The following CRPPA variants were observed in gnomAD, a reference collection of about 807,000 sequenced individuals.
CRPPA encodes the protein D-ribitol-5-phosphate cytidylyltransferase.
CRPPA carries 43 observed loss-of-function variants against 52.0 expected under a neutral mutation model. The ratio of observed to expected loss-of-function variants is 0.83; its 90% CI spans 0.65 to 1.07. The LOEUF (loss-of-function observed/expected upper bound fraction) is 1.07, where lower values mean the gene tolerates loss of function less well. Ranked by LOEUF, CRPPA falls within the 50% of genes least tolerant of loss-of-function variation. The probability of loss-of-function intolerance (pLI) is 0.00; values close to 1 mark genes in which losing one functional copy is unlikely to be tolerated. For synonymous variants in CRPPA, 250 were observed against 203.5 expected, an observed-to-expected ratio of 1.23 and a Z score of -1.94; for missense variants, 629 against 551.7, an observed-to-expected ratio of 1.14 and a Z score of -1.40.
chr7:16,092,810 C>T (rs560592453), intron 9 of CRPPA, among the ~76,000 whole-genome samples: 1 of 152,256 alleles, frequency 6.6e-6, no homozygotes, highest in Admixed American at 6.5e-5. Flanking sequence ...TGTCTCTTAT[C>T]CTCTCGGCCT....
intron 2 of CRPPA, among the ~76,000 whole-genome samples, chr7:16,385,118 A>T (rs1787222975): frequency 1.3e-5 from 2 of 152,170 alleles, no homozygotes; most frequent in African/African-American, 4.8e-5. Flanking sequence ...AATACAATCC[A>T]AACAAATGAG....
intron 9 of CRPPA, among the ~76,000 whole-genome samples, chr7:16,099,685 A>G (rs1782005083): frequency 6.6e-6 from 1 of 152,204 alleles, no homozygotes; most frequent in South Asian, 2.1e-4. Context: ...GGCATCAGAC[A>G]TCTGGCCTGA....
chr7:16,375,299 G>A (rs530748701), intron 3 of CRPPA, among the ~76,000 whole-genome samples: 8 of 152,076 alleles, frequency 5.3e-5, no homozygotes, highest in Non-Finnish European at 1.0e-4. Context: ...TAAAGCACTA[G>A]ATTAGTTGCT....
chr7:16,190,047 G>C (rs1388024980), intron 9 of CRPPA, among the ~76,000 whole-genome samples: 4 of 152,020 alleles, frequency 2.6e-5, no homozygotes, highest in African/African-American at 9.7e-5. Context: ...TAACTCTTTG[G>C]TTCACCATAG....
intron 2 of CRPPA, among the ~76,000 whole-genome samples, chr7:16,392,213 T>A: frequency 6.6e-6 from 1 of 152,128 alleles, no homozygotes; most frequent in African/African-American, 2.4e-5. Context: ...AAGCTTCCAA[T>A]CCAACAATTC....
rs1781860810 is a variant in CRPPA at position 16,092,711 on chromosome 7, T to TC, written c.1252-913dup. On this transcript the variant is annotated intron_variant, in intron 9 of 9. Transcript: ENST00000407010. ...CAAAATACTTATTTTAAAATATAGA[T>TC]CTGATCACATCAGTATCCTGACTAA... Among the ~76,000 whole-genome samples the TC allele has an allele frequency of 2.0e-5, 3 of 152,218 alleles. No individual in the cohort carries two copies. In the South Asian group the frequency reaches 6.2e-4, roughly 31 times the overall value.
chr7:16,382,234 T>G (rs1787114137), intron 2 of CRPPA, among the ~76,000 whole-genome samples: 1 of 152,184 alleles, frequency 6.6e-6, no homozygotes, highest in African/African-American at 2.4e-5. Flanking sequence ...ACTATTTTAT[T>G]TCTCCTTCAC....
intron 1 of CRPPA, among the ~76,000 whole-genome samples, chr7:16,419,540 C>G (rs1238637667): frequency 6.6e-6 from 1 of 152,192 alleles, no homozygotes; most frequent in Non-Finnish European, 1.5e-5. Flanking sequence ...GTCATGCATC[C>G]TCTGGCTGCA....
At chr7:16,303,791 T>C (rs542397540) in intron 4 of CRPPA, among the ~76,000 whole-genome samples, 1 of 152,316 alleles carries the variant, frequency 6.6e-6, no homozygotes, top group Non-Finnish European at 1.5e-5. Flanking sequence ...AAATAGAGAC[T>C]ACTTTGTTTC....
intron 3 of CRPPA, among the ~76,000 whole-genome samples, chr7:16,342,814 G>GAT (rs1210471613): frequency 2.0e-4 from 14 of 69,464 alleles, no homozygotes; most frequent in South Asian, 6.9e-4. Context: ...TAGATATATA[G>GAT]ATATACATAT....
chr7:16,300,755 T>C (rs1784775946), intron 5 of CRPPA, among the ~76,000 whole-genome samples: 2 of 152,182 alleles, frequency 1.3e-5, no homozygotes, highest in African/African-American at 4.8e-5. Context: ...CTGACTTAAA[T>C]AACAGGCTAC....
At chr7:16,311,922 T>C (rs1472807821) in intron 3 of CRPPA, among the ~76,000 whole-genome samples, 5 of 152,206 alleles carry the variant, frequency 3.3e-5, no homozygotes, top group Middle Eastern at 3.4e-3. Context: ...CAAAGACCAA[T>C]TGATTACATT....
intron 8 of CRPPA, among the ~76,000 whole-genome samples, chr7:16,241,946 C>CTTTTTTTTTTTTTTTTTT (rs71549979): frequency 1.8e-5 from 1 of 55,378 alleles, no homozygotes; most frequent in Non-Finnish European, 3.6e-5. Flanking sequence ...AAAATCTATT[C>CTTTTTTTTTTTTTTTTTT]TTTTTTTTTT....
chr7:16,170,135 T>C (rs1057275476), intron 9 of CRPPA, among the ~76,000 whole-genome samples: 13 of 152,158 alleles, frequency 8.5e-5, no homozygotes, highest in Non-Finnish European at 1.8e-4. Flanking sequence ...AAGTAGGATG[T>C]GATTTTTTTT....
Position 16,289,014 on chromosome 7 carries a change from C to T in CRPPA, c.836-10788G>A, listed in dbSNP as rs549946390. On this transcript the variant is annotated intron_variant, in intron 5 of 9. Coordinates refer to ENST00000407010, the MANE Select transcript of CRPPA (RefSeq NM_001101426.4). ...GCCACCAAATAAAGTGAGAAACAAA[C>T]AAGGAGACATTATAACTGATACTAC... Among the ~76,000 whole-genome samples, 10 of 151,308 alleles carry T rather than the reference C, an allele frequency of 6.6e-5. No homozygotes were observed. The East Asian group carries it at 1.9e-3, about 29-fold the overall frequency.
chr7:16,182,648 A>T (rs180801733), intron 9 of CRPPA, among the ~76,000 whole-genome samples: 121 of 152,270 alleles, frequency 7.9e-4, no homozygotes, highest in African/African-American at 2.8e-3. Flanking sequence ...CTGGAGCCCA[A>T]ATAACTGTAT....
At chr7:16,092,805 CTT>C (rs762052475) in intron 9 of CRPPA, among the ~76,000 whole-genome samples, 36 of 152,300 alleles carry the variant, frequency 2.4e-4, no homozygotes, top group African/African-American at 8.4e-4. Context: ...TAAAATGTCT[CTT>C]ATCCTCTCGG....
chr7:16,415,421 C>G (rs1272962448), intron 1 of CRPPA, among the ~76,000 whole-genome samples: 5 of 152,174 alleles, frequency 3.3e-5, no homozygotes, highest in African/African-American at 1.2e-4. Flanking sequence ...GTACCGAACT[C>G]AAGTCATTAG....
chr7:16,103,512 C>T (rs1246052682), intron 9 of CRPPA, among the ~76,000 whole-genome samples: 2 of 151,984 alleles, frequency 1.3e-5, no homozygotes, highest in African/African-American at 4.8e-5. Context: ...GAAAATAACA[C>T]CATAAAAATA....
Sources: gnomAD v4.1 joint callset for allele counts (sites outside exome capture counted in the v4.1 genomes callset) on GRCh38, gnomAD v4.1.1 for gene constraint, MANE v1.5 for transcripts, NCBI Gene and HGNC (gene_info 2026-07-23, HGNC 2026-07-21) for gene names.